Variants in DLGAP2 observed in about 807,000 individuals in gnomAD.
DLGAP2 encodes the protein disks large-associated protein 2.
In DLGAP2, 26 loss-of-function variants were observed where a neutral mutation model predicts 100.3. That is an observed-to-expected ratio of 0.26 (90% CI 0.19 to 0.36). DLGAP2 has a LOEUF of 0.36. DLGAP2 is among the 10% of genes least tolerant of loss of function. The probability of loss-of-function intolerance (pLI) is 1.00; values close to 1 mark genes in which losing one functional copy is unlikely to be tolerated. For missense variants in DLGAP2, 1,858 were observed against 1,453.2 expected, an observed-to-expected ratio of 1.28 and a Z score of -4.53; for synonymous variants, 886 against 630.1, an observed-to-expected ratio of 1.41 and a Z score of -6.08.
At chr8:1,056,213 G>C (rs536723411) in intron 2 of DLGAP2, among the ~76,000 whole-genome samples, 4 of 152,244 alleles carry the variant, frequency 2.6e-5, no homozygotes, top group African/African-American at 9.6e-5. Context: ...AACGACCTCA[G>C]TTGAGTGTGT....
intron 6 of DLGAP2, among the ~76,000 whole-genome samples, chr8:1,605,515 T>C (rs372697033): frequency 5.4e-4 from 82 of 152,328 alleles, no homozygotes; most frequent in African/African-American, 1.9e-3. Flanking sequence ...CTGTCCTTTG[T>C]GCATGAGCTT....
intron 1 of DLGAP2, among the ~76,000 whole-genome samples, chr8:744,997 C>T (rs1185454367): frequency 6.6e-6 from 1 of 152,206 alleles, no homozygotes. Flanking sequence ...GCCATCCCCA[C>T]ACCTGCCGCA....
At chr8:1,089,833 C>A (rs1435769096) in intron 2 of DLGAP2, among the ~76,000 whole-genome samples, 1 of 152,200 alleles carries the variant, frequency 6.6e-6, no homozygotes, top group Non-Finnish European at 1.5e-5. Flanking sequence ...GTGATCAGAC[C>A]TGATTGTTTG....
At chr8:855,062 C>T (rs537435539) in intron 1 of DLGAP2, among the ~76,000 whole-genome samples, 10 of 152,130 alleles carry the variant, frequency 6.6e-5, no homozygotes, top group African/African-American at 1.2e-4. Context: ...AGGCGCTTGC[C>T]GAGTGGTGGG....
chr8:1,106,647 T>G (rs112505586), intron 2 of DLGAP2, among the ~76,000 whole-genome samples: 969 of 79,536 alleles, frequency 0.012, no homozygotes, highest in Middle Eastern at 0.061. Flanking sequence ...CATTCTAGGA[T>G]GGTTTTCTAT....
At chr8:1,033,694 T>A (rs1483588426) in intron 2 of DLGAP2, among the ~76,000 whole-genome samples, 1 of 151,554 alleles carries the variant, frequency 6.6e-6, no homozygotes, top group African/African-American at 2.4e-5. Flanking sequence ...GAACCGCGAG[T>A]GGATTCACAC....
At position 1,676,623 on chromosome 8, in the gene DLGAP2, C is replaced by G; in HGVS notation, c.2288+5C>G. On this transcript the variant is annotated splice_donor_5th_base_variant and intron_variant, in intron 11 of 14. Transcript: ENST00000637795. ...GCAAGTGGAAGATGAGAAGCGGTAA[C>G]TCAGCCCCTCCTGACACGCGGTGAC... 1 of 1,610,764 alleles carries G rather than the reference C, an allele frequency of 6.2e-7. No homozygotes were observed. The highest frequency in any genetic ancestry group is 8.5e-7 in the Non-Finnish European group (1 of 1,178,600).
intron 3 of DLGAP2, among the ~76,000 whole-genome samples, chr8:1,299,478 G>A (rs1362277117): frequency 2.6e-4 from 39 of 152,310 alleles, no homozygotes; most frequent in Admixed American, 2.5e-3. Flanking sequence ...AGGAATCTTA[G>A]GAATGCCAGG....
At chr8:950,333 A>T (rs1799446768) in intron 2 of DLGAP2, among the ~76,000 whole-genome samples, 1 of 152,224 alleles carries the variant, frequency 6.6e-6, no homozygotes, top group South Asian at 2.1e-4. Flanking sequence ...ACAAAAGAGC[A>T]CTTCCCAGAG....
At chr8:1,637,872 C>T (rs1295464159) in intron 8 of DLGAP2, among the ~76,000 whole-genome samples, 1 of 152,188 alleles carries the variant, frequency 6.6e-6, no homozygotes, top group Non-Finnish European at 1.5e-5. Context: ...CAGGGGAAAG[C>T]CAGCACTGCA....
chr8:1,491,559 T>G (rs1190636135), intron 3 of DLGAP2, among the ~76,000 whole-genome samples: 1 of 152,222 alleles, frequency 6.6e-6, no homozygotes, highest in Non-Finnish European at 1.5e-5. Flanking sequence ...GGTGGACATA[T>G]CTTTAAGGTG....
chr8:1,169,306 C>T lies in DLGAP2; in HGVS notation c.74-89545C>T, dbSNP rs184066259. Reference sequence around the variant, plus strand: ...GTAGCCTTGTAATATACTTTGAAGTCAGGTAGCGTGATGCCTCCAGCTTTG... The same window carrying T: ...GTAGCCTTGTAATATACTTTGAAGTTAGGTAGCGTGATGCCTCCAGCTTTG... On this transcript the variant is annotated intron_variant, in intron 2 of 14. Transcript: ENST00000637795. Among the ~76,000 whole-genome samples the T allele has an allele frequency of 1.8e-4, 28 of 152,300 alleles. 1 individual carries two copies. Among genetic ancestry groups the T allele is most frequent in the African/African-American group, 6.5e-4 (27 of 41,558 alleles).
intron 3 of DLGAP2, among the ~76,000 whole-genome samples, chr8:1,492,626 C>G (rs1799421650): frequency 6.6e-6 from 1 of 152,230 alleles, no homozygotes; most frequent in East Asian, 1.9e-4. Flanking sequence ...TCCCCTCCCC[C>G]CACGAAGAGG....
chr8:1,629,022 T>C (rs1409130187), intron 7 of DLGAP2, among the ~76,000 whole-genome samples: 3 of 152,238 alleles, frequency 2.0e-5, no homozygotes, highest in African/African-American at 7.2e-5. Flanking sequence ...TAAGTAATAC[T>C]ATATAATTCT....
chr8:1,658,161 C>T (rs1235806724), intron 8 of DLGAP2, among the ~76,000 whole-genome samples: 1 of 152,020 alleles, frequency 6.6e-6, no homozygotes, highest in African/African-American at 2.4e-5. Flanking sequence ...ATGAGGGCTC[C>T]ACCCTCCACC....
At chr8:913,819 T>C (rs1798537618) in intron 2 of DLGAP2, among the ~76,000 whole-genome samples, 1 of 152,254 alleles carries the variant, frequency 6.6e-6, no homozygotes, top group Non-Finnish European at 1.5e-5. Context: ...CACATGTGAC[T>C]TTCCGGTCTC....
chr8:1,009,904 G>A (rs998179984), intron 2 of DLGAP2, among the ~76,000 whole-genome samples: 4 of 152,170 alleles, frequency 2.6e-5, no homozygotes, highest in African/African-American at 9.6e-5. Context: ...TTTGGAATTG[G>A]TTTTTCATTA....
intron 1 of DLGAP2, among the ~76,000 whole-genome samples, chr8:881,532 C>A (rs1322312378): frequency 9.1e-6 from 1 of 109,496 alleles, no homozygotes; most frequent in African/African-American, 3.7e-5. Flanking sequence ...TGGAGTCTTG[C>A]TTTGTTGCCC....
chr8:958,755 T>C (rs1344064225), intron 2 of DLGAP2, among the ~76,000 whole-genome samples: 1 of 152,164 alleles, frequency 6.6e-6, no homozygotes, highest in Non-Finnish European at 1.5e-5. Flanking sequence ...TTGAACCAAG[T>C]CTTCAACTAT....
Sources: allele counts gnomAD v4.1 joint callset (sites outside exome capture counted in the v4.1 genomes callset), GRCh38; gene constraint gnomAD v4.1.1; transcripts MANE v1.5; gene names NCBI Gene and HGNC (gene_info 2026-07-23, HGNC 2026-07-21).